NRP2: variants seen among roughly 807,000 people sequenced by gnomAD.
NRP2 encodes the protein neuropilin 2, also known as neuropilin-2.
Under a neutral mutation model 110.4 loss-of-function variants are expected in NRP2, and 52 were observed. The observed-to-expected ratio is 0.47, with a 90% CI of 0.38 to 0.59. The LOEUF (loss-of-function observed/expected upper bound fraction) is 0.59, where lower values mean the gene tolerates loss of function less well. NRP2 is among the 20% of genes least tolerant of loss of function. The pLI is 0.00. For synonymous variants in NRP2, 508 were observed against 468.9 expected (o/e 1.08, Z -1.08); for missense variants, 1,049 against 1,203.0 (o/e 0.87, Z 1.89).
chr2:205,725,051 T>C lies in NRP2; in HGVS notation c.821-862T>C, dbSNP rs181237458. ...TACCCTGATTGCAGACAACTCACCA[T>C]ATATATAACTACAGACACGGCAGCC... On this transcript the variant is annotated intron_variant, in intron 5 of 16. Transcript: ENST00000357785. This position sits in a 1 kb window ranked among gnomAD's most constrained non-coding sequence, Gnocchi z 4.1. Among the ~76,000 whole-genome samples, 290 of 152,282 alleles carry C rather than the reference T, an allele frequency of 1.9e-3. 2 individuals carry two copies. The highest frequency in any genetic ancestry group is 4.5e-3 in the Admixed American group (69 of 15,292).
At chr2:205,692,815 G>A (rs7574632) in intron 1 of NRP2, among the ~76,000 whole-genome samples, 43,991 of 152,120 alleles carry the variant, frequency 0.29, 6,671 homozygotes, top group Middle Eastern at 0.38. Context: ...GGCTCAATCT[G>A]TGGGTTATAA....
At chr2:205,702,980 T>G (rs1321379059) in intron 2 of NRP2, among the ~76,000 whole-genome samples, 2 of 152,336 alleles carry the variant, frequency 1.3e-5, no homozygotes, top group East Asian at 3.9e-4. Context: ...CCTTGCTTTT[T>G]GTTCATATGT....
chr2:205,703,568 G>A (rs1351451560), intron 2 of NRP2, among the ~76,000 whole-genome samples: 73 of 152,248 alleles, frequency 4.8e-4, no homozygotes, highest in East Asian at 9.7e-4. Flanking sequence ...CTGCCTCCCC[G>A]GCATCATGCA....
At chr2:205,696,265 T>C (rs2056423891) in intron 1 of NRP2, among the ~76,000 whole-genome samples, 1 of 152,104 alleles carries the variant, frequency 6.6e-6, no homozygotes, top group Admixed American at 6.5e-5. Context: ...AGTGCACCTG[T>C]AGAGTTAAAA....
intron 6 of NRP2, 75 bp downstream of exon 6, chr2:205,726,157 G>C: frequency 1.4e-6 from 2 of 1,430,580 alleles, no homozygotes; most frequent in East Asian, 4.6e-5. Context: ...CTCAAATACA[G>C]TAGGCAGAGG....
Position 205,763,615 on chromosome 2 carries a change from A to C in NRP2, c.2045-59A>C. On this transcript the variant is annotated intron_variant, in intron 12 of 16. Transcript: ENST00000357785. The surrounding 1 kb of genome is among the most constrained non-coding windows in gnomAD (Gnocchi z 4.0). ...TTTCCCTTGGAGAGGCCACAGCAGC[A>C]CACTGGTGTCTTTCCCGAGTGTTTA... is the stretch of plus-strand genomic sequence containing the variant. 2 of 1,609,534 alleles carry C rather than the reference A, an allele frequency of 1.2e-6. No homozygotes were observed. The highest frequency in any genetic ancestry group is 1.7e-6 in the Non-Finnish European group (2 of 1,176,914).
chr2:205,695,990 G>T (rs1047495335), intron 1 of NRP2, among the ~76,000 whole-genome samples: 1 of 152,146 alleles, frequency 6.6e-6, no homozygotes, highest in South Asian at 2.1e-4. Flanking sequence ...AGAAGATGAT[G>T]TGCTGTGTAC....
At chr2:205,698,657 C>T (rs1209424754) in intron 2 of NRP2, among the ~76,000 whole-genome samples, 1 of 152,202 alleles carries the variant, frequency 6.6e-6, no homozygotes, top group Non-Finnish European at 1.5e-5. Context: ...TGAGCTCCAT[C>T]TTAAAGTCTT....
At chr2:205,748,984 C>T (rs2057591198) in intron 10 of NRP2, among the ~76,000 whole-genome samples, 1 of 152,194 alleles carries the variant, frequency 6.6e-6, no homozygotes, top group Non-Finnish European at 1.5e-5. Context: ...CTTAGTATAA[C>T]ATTTTTAATA....
chr2:205,695,727 T>A (rs899089761), intron 1 of NRP2, among the ~76,000 whole-genome samples: 8 of 152,190 alleles, frequency 5.3e-5, no homozygotes, highest in East Asian at 1.9e-4. Flanking sequence ...TGGTGATCTA[T>A]GTCCTCACAC....
chr2:205,726,501 T>C (rs1479451975), intron 6 of NRP2, among the ~76,000 whole-genome samples: 1 of 152,056 alleles, frequency 6.6e-6, no homozygotes, highest in Non-Finnish European at 1.5e-5. Context: ...TCTTTGCTAT[T>C]GGAGAGAGCC....
intron 12 of NRP2, among the ~76,000 whole-genome samples, chr2:205,760,492 C>A (rs1482022264): frequency 6.6e-6 from 1 of 152,184 alleles, no homozygotes; most frequent in Non-Finnish European, 1.5e-5. Flanking sequence ...GATGTCAGCA[C>A]TGAATTATGA....
intron 8 of NRP2, among the ~76,000 whole-genome samples, chr2:205,742,501 T>C (rs1164340974): frequency 6.6e-6 from 1 of 152,164 alleles, no homozygotes; most frequent in African/African-American, 2.4e-5. Context: ...AGCTTTTCTG[T>C]GGATATGACA....
intron 14 of NRP2, 182 bp downstream of exon 14, chr2:205,765,752 G>T (rs749516626): frequency 2.7e-6 from 2 of 740,046 alleles, no homozygotes; most frequent in Non-Finnish European, 5.0e-6. Context: ...GGTGGGAAGG[G>T]GTGTGAGGTA....
Position 205,743,232 on chromosome 2 carries a change from C to T in NRP2, c.1321C>T (p.Leu441Phe), listed in dbSNP as rs551278469. Residue 441 changes from leucine to phenylalanine, a missense_variant, in exon 9 of 17, where the codon CTC becomes TTC. By Grantham distance (22) the Leu-to-Phe change is conservative (BLOSUM62 0). Transcript: ENST00000357785. ...DAPCSNMLGMLSGLIADSQIS... is the reference protein window; with the variant it reads ...DAPCSNMLGMFSGLIADSQIS... ...TCCCTGCTCCAACATGCTGGGGATGCTCTCAGGCCTCATTGCAGACTCCCA... is the reference window on the plus strand; with the variant it reads ...TCCCTGCTCCAACATGCTGGGGATGTTCTCAGGCCTCATTGCAGACTCCCA... 236 of 1,613,640 alleles carry T rather than the reference C, an allele frequency of 1.5e-4. 3 individuals are homozygous for T. The South Asian group carries it at 2.4e-3, about 16-fold the overall frequency.
intron 7 of NRP2, among the ~76,000 whole-genome samples, chr2:205,738,433 A>G (rs1404785401): frequency 6.6e-6 from 1 of 152,220 alleles, no homozygotes; most frequent in Admixed American, 6.5e-5. Context: ...CCTCTGCCTC[A>G]TGCTGAATTC....
At chr2:205,767,978 AAG>A (rs2057954985) in intron 15 of NRP2, 1 of 152,292 alleles carries the variant, frequency 6.6e-6, no homozygotes, top group Non-Finnish European at 1.5e-5. Flanking sequence ...CTGGGCTAGA[AAG>A]AGATGAATTC....
intron 15 of NRP2, chr2:205,768,357 G>A (rs1274669265): frequency 6.6e-6 from 1 of 152,256 alleles, no homozygotes; most frequent in African/African-American, 2.4e-5. Context: ...TGTTGGTGAA[G>A]TGAAAGCTGT....
At chr2:205,688,394 C>T (rs893929976) in intron 1 of NRP2, among the ~76,000 whole-genome samples, 1 of 152,122 alleles carries the variant, frequency 6.6e-6, no homozygotes, top group African/African-American at 2.4e-5. Context: ...TTAATTAACC[C>T]ATTTCTGGAA....
Sources: gnomAD v4.1 joint callset for allele counts (sites outside exome capture counted in the v4.1 genomes callset) on GRCh38, gnomAD v4.1.1 for gene constraint, Gnocchi (gnomAD v3.1) non-coding constraint, MANE v1.5 for transcripts, NCBI Gene and HGNC (gene_info 2026-07-23, HGNC 2026-07-21) for gene names.